KDM4C: variants seen among roughly 807,000 people sequenced by gnomAD.
The protein encoded by KDM4C is lysine-specific demethylase 4C.
Under a neutral mutation model 129.3 loss-of-function variants are expected in KDM4C, and 81 were observed. The ratio of observed to expected loss-of-function variants is 0.63; its 90% CI spans 0.52 to 0.75. KDM4C has a LOEUF of 0.75. Among genes scored for constraint, KDM4C ranks in the 30% least tolerant of loss-of-function variants. The pLI is 0.00. For missense variants in KDM4C, 1,457 were observed against 1,304.0 expected (o/e 1.12, Z -1.81); for synonymous variants, 573 against 456.1 (o/e 1.26, Z -3.26).
chr9:6,795,603 A>ACCAGCCCAGCAT (rs1827583273), intron 2 of KDM4C, among the ~76,000 whole-genome samples: 1 of 152,016 alleles, frequency 6.6e-6, no homozygotes, highest in Non-Finnish European at 1.5e-5. Context: ...AAATGCTGGG[A>ACCAGCCCAGCAT]TTATAGGCAT....
At chr9:7,133,383 A>G (rs528422744) in intron 19 of KDM4C, among the ~76,000 whole-genome samples, 1 of 152,250 alleles carries the variant, frequency 6.6e-6, no homozygotes, top group South Asian at 2.1e-4. Flanking sequence ...ACTTGCTATA[A>G]GGTAGTCCCA....
rs184944686 is a variant in KDM4C, at chr9:6,972,793, A to G, written c.922-8132A>G. ...CTTCTCATTTTGATTTATTAGAATA[A>G]TAATGAATCTTCTTTCAAGAAATGT... On this transcript the variant is annotated intron_variant, in intron 8 of 21. Transcript: ENST00000381309. 2.0e-3 allele frequency among the ~76,000 whole-genome samples: 298 copies of G among 152,356 alleles called. 1 individual carries two copies. Among genetic ancestry groups the G allele is most frequent in the Non-Finnish European group, 3.5e-3 (239 of 68,044 alleles).
chr9:6,772,308 C>A (rs1296070966), intron 1 of KDM4C, among the ~76,000 whole-genome samples: 1 of 151,660 alleles, frequency 6.6e-6, no homozygotes, highest in Admixed American at 6.6e-5. Context: ...TGCCACCATG[C>A]CTGGCTAATT....
intron 1 of KDM4C, among the ~76,000 whole-genome samples, chr9:6,791,513 C>G (rs1826611933): frequency 6.6e-6 from 1 of 152,138 alleles, no homozygotes; most frequent in South Asian, 2.1e-4. Flanking sequence ...CCGTGTTTTG[C>G]CTGGTGCTTG....
intron 19 of KDM4C, among the ~76,000 whole-genome samples, chr9:7,144,751 A>T (rs1842065642): frequency 6.6e-6 from 1 of 152,170 alleles, no homozygotes; most frequent in Non-Finnish European, 1.5e-5. Flanking sequence ...TGAAGTGGAG[A>T]GTGAAAATGC....
chr9:7,057,651 C>T (rs1243405051), intron 17 of KDM4C, among the ~76,000 whole-genome samples: 4 of 152,164 alleles, frequency 2.6e-5, no homozygotes, highest in Non-Finnish European at 5.9e-5. Flanking sequence ...ATTTTTATAA[C>T]ACTGTTAAGA....
In KDM4C at chr9:6,949,442, G is replaced by A. The variant is rs183240994; in HGVS notation, c.922-31483G>A. On this transcript the variant is annotated intron_variant, in intron 8 of 21. Transcript: ENST00000381309. ...TTCCTCACTTCCCAGACGGGGTGGC[G>A]GCTGGGCAGAGGCTGTAATCTCGGC... 8.2e-3 allele frequency among the ~76,000 whole-genome samples: 1,251 copies of A among 152,280 alleles called. 15 individuals carry two copies. The highest frequency in any genetic ancestry group is 9.8e-3 in the Non-Finnish European group (667 of 68,008).
At chr9:6,902,169 A>G (rs776365053) in intron 8 of KDM4C, among the ~76,000 whole-genome samples, 1 of 152,134 alleles carries the variant, frequency 6.6e-6, no homozygotes, top group Non-Finnish European at 1.5e-5. Flanking sequence ...TAAATTGGAG[A>G]TGTGTAATGT....
At chr9:7,058,742 C>T (rs539698481) in intron 17 of KDM4C, among the ~76,000 whole-genome samples, 11 of 152,100 alleles carry the variant, frequency 7.2e-5, no homozygotes, top group East Asian at 1.9e-4. Context: ...CCGTGTGATA[C>T]GATAGGAAAT....
intron 17 of KDM4C, among the ~76,000 whole-genome samples, chr9:7,059,967 G>T (rs80300079): frequency 6.6e-6 from 1 of 151,920 alleles, no homozygotes; most frequent in South Asian, 2.1e-4. Flanking sequence ...CCTTAATAAC[G>T]TTTAAGAGTA....
At chr9:6,945,318 A>G (rs1200256205) in intron 8 of KDM4C, among the ~76,000 whole-genome samples, 7 of 152,188 alleles carry the variant, frequency 4.6e-5, no homozygotes. Context: ...TGAAACAATT[A>G]ACTAAACCAA....
At chr9:7,070,191 AAT>A (rs746372322) in intron 17 of KDM4C, among the ~76,000 whole-genome samples, 2 of 152,200 alleles carry the variant, frequency 1.3e-5, no homozygotes, top group African/African-American at 2.4e-5. Context: ...CTAAATAAGA[AAT>A]AGTGTTTTAT....
chr9:7,025,427 T>TCTTC (rs1825649543), intron 15 of KDM4C, among the ~76,000 whole-genome samples: 1 of 152,080 alleles, frequency 6.6e-6, no homozygotes, highest in African/African-American at 2.4e-5. Context: ...TGTGGTCTTC[T>TCTTC]CTTCCTTTCT....
At chr9:6,832,571 G>T (rs1453934696) in intron 4 of KDM4C, among the ~76,000 whole-genome samples, 1 of 139,482 alleles carries the variant, frequency 7.2e-6, no homozygotes, top group Admixed American at 7.2e-5. Flanking sequence ...GACTACAGGC[G>T]CCCGCCACCA....
chr9:6,797,185 C>T (rs1827907978), intron 2 of KDM4C, among the ~76,000 whole-genome samples: 1 of 151,872 alleles, frequency 6.6e-6, no homozygotes. Flanking sequence ...ATGGGGTCTG[C>T]TGTGTTACCC....
At chr9:7,163,242 C>G (rs569909753) in intron 19 of KDM4C, among the ~76,000 whole-genome samples, 1 of 152,116 alleles carries the variant, frequency 6.6e-6, no homozygotes, top group Admixed American at 6.6e-5. Flanking sequence ...CCTAACAGTT[C>G]TATGTGTTAA....
At chr9:6,727,557 C>G (rs1348506325) in intron 1 of KDM4C, 2 of 207,116 alleles carry the variant, frequency 9.7e-6, no homozygotes, top group Non-Finnish European at 1.6e-5. Context: ...GAGATTGAGA[C>G]CATCCTGGCT....
At chr9:7,121,105 C>G (rs1024886599) in intron 18 of KDM4C, among the ~76,000 whole-genome samples, 17 of 152,276 alleles carry the variant, frequency 1.1e-4, no homozygotes, top group African/African-American at 3.8e-4. Flanking sequence ...GCATACATAT[C>G]TGTGTGAGTG....
At chr9:7,007,479 G>C (rs1429122291) in intron 12 of KDM4C, among the ~76,000 whole-genome samples, 1 of 152,174 alleles carries the variant, frequency 6.6e-6, no homozygotes, top group Admixed American at 6.5e-5. Context: ...TTTTTGCTGT[G>C]TTGACTCTTG....
Sources: allele counts gnomAD v4.1 joint callset (sites outside exome capture counted in the v4.1 genomes callset), GRCh38; gene constraint gnomAD v4.1.1; transcripts MANE v1.5; gene names NCBI Gene and HGNC (gene_info 2026-07-23, HGNC 2026-07-21).